The following C17orf67 variants were observed in gnomAD, a reference collection of about 807,000 sequenced individuals.
C17orf67 encodes chromosome 17 open reading frame 67.
Under a neutral mutation model 11.2 loss-of-function variants are expected in C17orf67, and 12 were observed. The ratio of observed to expected loss-of-function variants is 1.07; its 90% CI spans 0.68 to 1.73. C17orf67 has a LOEUF of 1.73. C17orf67 is among the 40% of genes most tolerant of loss of function. C17orf67 has a pLI of 0.00. For missense variants in C17orf67, 115 were observed against 113.5 expected (o/e 1.01, Z -0.06); for synonymous variants, 59 against 46.9 (o/e 1.26, Z -1.05).
chr17:56,813,604 C>G (rs926249038), intron 6 of C17orf67, among the ~76,000 whole-genome samples: 1 of 151,874 alleles, frequency 6.6e-6, no homozygotes, highest in African/African-American at 2.4e-5. Flanking sequence ...TCCCTAAGAG[C>G]CTGAAGTCAT....
intron 4 of C17orf67, among the ~76,000 whole-genome samples, chr17:56,823,226 A>G (rs2144146141): frequency 6.6e-6 from 1 of 152,318 alleles, no homozygotes; most frequent in African/African-American, 2.4e-5. Flanking sequence ...AGTTCTGGGG[A>G]AAAATACTGA....
In C17orf67 at chr17:56,831,186, C is replaced by A. The variant is rs1039349284; in HGVS notation, c.-557+1712G>T. Among the ~76,000 whole-genome samples, 5 of 152,102 alleles carry A rather than the reference C, an allele frequency of 3.3e-5. No individual in the cohort carries two copies. The South Asian group carries it at 1.0e-3, about 32-fold the overall frequency. Reference sequence around the variant, plus strand: ...CATTCAAGGGTGAGAATGGTGACAGCTGGACCAGGGGAGTAGTGGAGGGGG... The same window carrying A: ...CATTCAAGGGTGAGAATGGTGACAGATGGACCAGGGGAGTAGTGGAGGGGG... On this transcript the variant is annotated intron_variant, in intron 2 of 7. Coordinates refer to ENST00000397861, the MANE Select transcript of C17orf67 (RefSeq NM_001085430.4).
intron 6 of C17orf67, among the ~76,000 whole-genome samples, chr17:56,797,707 A>G (rs1309433113): frequency 6.6e-5 from 10 of 152,074 alleles, no homozygotes; most frequent in Non-Finnish European, 4.4e-5. Flanking sequence ...CATCCTTTGC[A>G]TGAAATTTTT....
At chr17:56,815,524 CA>C (rs1315171037) in intron 5 of C17orf67, among the ~76,000 whole-genome samples, 2 of 151,980 alleles carry the variant, frequency 1.3e-5, no homozygotes, top group African/African-American at 2.4e-5. Context: ...GAAGATTTAT[CA>C]GCATTTTTGA....
chr17:56,812,767 GGGCTGTCAA>G (rs1328954940), intron 6 of C17orf67, among the ~76,000 whole-genome samples: 1 of 152,006 alleles, frequency 6.6e-6, no homozygotes, highest in Non-Finnish European at 1.5e-5. Flanking sequence ...AGCAAGCAGA[GGGCTGTCAA>G]GGATTAAGGG....
At chr17:56,802,053 T>G (rs111945689) in intron 6 of C17orf67, among the ~76,000 whole-genome samples, 179 of 152,326 alleles carry the variant, frequency 1.2e-3, no homozygotes, top group Non-Finnish European at 2.0e-3. Flanking sequence ...CTTAAGTTAG[T>G]TAACTTGCTT....
chr17:56,832,290 AC>A (rs1906228471), intron 2 of C17orf67, among the ~76,000 whole-genome samples: 1 of 152,146 alleles, frequency 6.6e-6, no homozygotes, highest in African/African-American at 2.4e-5. Context: ...CCATAGGATG[AC>A]CCCAGACCCC....
intron 4 of C17orf67, among the ~76,000 whole-genome samples, chr17:56,819,113 G>A (rs572102652): frequency 1.3e-5 from 2 of 152,264 alleles, no homozygotes; most frequent in East Asian, 3.9e-4. Flanking sequence ...AAGCACAACA[G>A]GACCCTGTGT....
At chr17:56,822,322 T>C (rs1259243568) in intron 4 of C17orf67, among the ~76,000 whole-genome samples, 1 of 152,202 alleles carries the variant, frequency 6.6e-6, no homozygotes, top group Non-Finnish European at 1.5e-5. Context: ...ACTGAGTTTC[T>C]ACTGTGTAGG....
chr17:56,796,078 A>G (rs532516492), intron 6 of C17orf67, among the ~76,000 whole-genome samples: 2 of 152,352 alleles, frequency 1.3e-5, no homozygotes, highest in African/African-American at 4.8e-5. Flanking sequence ...ACTTTAAAAT[A>G]TAAAAATGTT....
At chr17:56,808,054 C>T (rs796802940) in intron 6 of C17orf67, among the ~76,000 whole-genome samples, 4 of 152,178 alleles carry the variant, frequency 2.6e-5, no homozygotes, top group African/African-American at 7.2e-5. Flanking sequence ...GTCTAGAATC[C>T]TACTCTCCAA....
chr17:56,815,098 T>G (rs1905727596), intron 5 of C17orf67, 129 bp from the exon 6 acceptor site: 2 of 771,650 alleles, frequency 2.6e-6, no homozygotes, highest in South Asian at 3.0e-5. Flanking sequence ...CCCGGGGACC[T>G]GTCCCAAAGG....
At chr17:56,795,210 T>G in intron 6 of C17orf67, 30 bp from the exon 7 acceptor site, 1 of 1,600,354 alleles carries the variant, frequency 6.2e-7, no homozygotes, top group Non-Finnish European at 8.6e-7. Context: ...TGAAGAAGGC[T>G]TCACCCACAG....
At chr17:56,820,359 G>A (rs145945608) in intron 4 of C17orf67, among the ~76,000 whole-genome samples, 120 of 152,292 alleles carry the variant, frequency 7.9e-4, no homozygotes, top group South Asian at 1.2e-3. Context: ...TGGCTGGAGC[G>A]TGTCCCAGCA....
chr17:56,793,876 G>C (rs1336018605), intron 7 of C17orf67, among the ~76,000 whole-genome samples: 1 of 152,174 alleles, frequency 6.6e-6, no homozygotes, highest in Non-Finnish European at 1.5e-5. Flanking sequence ...CCAGCAGCTG[G>C]AAGAATTAGA....
intron 2 of C17orf67, among the ~76,000 whole-genome samples, chr17:56,830,809 C>T (rs188274337): frequency 6.6e-5 from 10 of 152,296 alleles, no homozygotes; most frequent in Non-Finnish European, 1.0e-4. Context: ...GTTAAACAGA[C>T]TGGATTTACA....
At chr17:56,812,504 G>A (rs1905654491) in intron 6 of C17orf67, among the ~76,000 whole-genome samples, 1 of 152,182 alleles carries the variant, frequency 6.6e-6, no homozygotes, top group African/African-American at 2.4e-5. Flanking sequence ...CATTTCAATT[G>A]TAAAACATAT....
At chr17:56,822,427 G>A (rs1905925784) in intron 4 of C17orf67, among the ~76,000 whole-genome samples, 1 of 152,126 alleles carries the variant, frequency 6.6e-6, no homozygotes, top group South Asian at 2.1e-4. Flanking sequence ...GTGTTACGTT[G>A]GAGCTGAGTG....
At chr17:56,822,949 A>G (rs1821475466) in intron 4 of C17orf67, among the ~76,000 whole-genome samples, 1 of 152,184 alleles carries the variant, frequency 6.6e-6, no homozygotes, top group Non-Finnish European at 1.5e-5. Flanking sequence ...TGGGTCCAGG[A>G]TGTTGGCCTC....
Sources: gnomAD v4.1 joint callset for allele counts (sites outside exome capture counted in the v4.1 genomes callset) on GRCh38, gnomAD v4.1.1 for gene constraint, MANE v1.5 for transcripts, NCBI Gene and HGNC (gene_info 2026-07-23, HGNC 2026-07-21) for gene names.